Variants in STK26 observed in about 807,000 individuals in gnomAD.
STK26 encodes the protein serine/threonine-protein kinase 26.
Under a neutral mutation model 34.7 loss-of-function variants are expected in STK26, and 14 were observed. That is an observed-to-expected ratio of 0.40 (90% CI 0.27 to 0.63). STK26 has a LOEUF of 0.63. Ranked by LOEUF, STK26 falls within the 30% of genes least tolerant of loss-of-function variation. STK26 has a pLI of 0.38. For synonymous variants in STK26, 100 were observed against 109.8 expected (o/e 0.91, Z 0.56); for missense variants, 226 against 309.1 (o/e 0.73, Z 2.02).
At chrX:132,039,026 A>G (rs1926162846) in intron 2 of STK26, among the ~76,000 whole-genome samples, 1 of 111,179 alleles carries the variant, frequency 9.0e-6, no homozygotes, top group South Asian at 3.7e-4. Flanking sequence ...AAACAAACAA[A>G]CAAACAAAAA....
chrX:132,037,043 A>T (rs906770868), intron 2 of STK26, among the ~76,000 whole-genome samples: 3 of 112,059 alleles, frequency 2.7e-5, no homozygotes, highest in African/African-American at 9.7e-5. Flanking sequence ...ATTAAGAGAA[A>T]TCAATGTAAT....
chrX:132,028,747 TAGAGAG>T (rs750866736), intron 2 of STK26, among the ~76,000 whole-genome samples: 7 of 110,035 alleles, frequency 6.4e-5, no homozygotes, highest in African/African-American at 3.3e-5. Context: ...TGTGTCAAGT[TAGAGAG>T]AGAGTTAACT....
At chrX:132,034,292 CTTTTTTTTT>C (rs561602079) in intron 2 of STK26, among the ~76,000 whole-genome samples, 6 of 41,371 alleles carry the variant, frequency 1.5e-4, no homozygotes, top group South Asian at 3.2e-3. Flanking sequence ...GACATTTATT[CTTTTTTTTT>C]TTTTTTTTTT....
chrX:132,029,934 G>A (rs1477763595), intron 2 of STK26, among the ~76,000 whole-genome samples: 1 of 111,430 alleles, frequency 9.0e-6, no homozygotes, highest in Non-Finnish European at 1.9e-5. Flanking sequence ...TGAAGGTGGG[G>A]ACCATGTATT....
intron 6 of STK26, among the ~76,000 whole-genome samples, chrX:132,069,183 G>A (rs903428060): frequency 1.9e-5 from 2 of 107,213 alleles, no homozygotes; most frequent in African/African-American, 3.4e-5. Context: ...CCCCTTAAGA[G>A]CAGGGATTTT....
In STK26 at chrX:132,025,647, C is replaced by CTT. The variant is rs57313614; in HGVS notation, c.42+2005_42+2006dup. Reference sequence around the variant, plus strand: ...CAACGTTAGCAAAGAAGAGAGGAATCTTTTTTTTTTTTTTTTTTGGTCATT... The same window carrying CTT: ...CAACGTTAGCAAAGAAGAGAGGAATCTTTTTTTTTTTTTTTTTTTTGGTCATT... On this transcript the variant is annotated intron_variant, in intron 2 of 11. Transcript: ENST00000394334. 6.1e-3 allele frequency among the ~76,000 whole-genome samples: 495 copies of CTT among 81,672 alleles called. 4 individuals carry two copies. Among genetic ancestry groups the CTT allele is most frequent in the African/African-American group, 0.012 (254 of 22,011 alleles). 70.9% of individuals were successfully genotyped at this position (81,672 alleles called of 115,157 possible). A position where few individuals can be genotyped will look rare whatever the true frequency, so the allele number is the denominator to read the frequency against.
chrX:132,041,315 G>A (rs1401595034), intron 2 of STK26, among the ~76,000 whole-genome samples: 2 of 111,220 alleles, frequency 1.8e-5, no homozygotes, highest in Non-Finnish European at 3.8e-5. Context: ...GAGGAGAAAT[G>A]AAATTAGCCA....
chrX:132,028,657 A>G (rs995275926), intron 2 of STK26, among the ~76,000 whole-genome samples: 12 of 110,354 alleles, frequency 1.1e-4, no homozygotes, highest in Non-Finnish European at 2.1e-4. Context: ...GTAAGGTTGT[A>G]AGAAAAGTAA....
chrX:132,026,930 G>A (rs1371591843), intron 2 of STK26, among the ~76,000 whole-genome samples: 1 of 112,160 alleles, frequency 8.9e-6, no homozygotes, highest in Non-Finnish European at 1.9e-5. Context: ...TCTAAGTGGT[G>A]GGAAACACTG....
intron 2 of STK26, among the ~76,000 whole-genome samples, chrX:132,044,839 C>G (rs1211522277): frequency 1.2e-5 from 1 of 80,007 alleles, no homozygotes; most frequent in African/African-American, 4.7e-5. Flanking sequence ...AGAGAGAGAT[C>G]TATATATATA....
rs1178907146 is a variant in STK26 at position 132,069,473 on chromosome X, G to A, written c.598-5G>A. ...TATATTATTTTCTTTTTCCTTTTAC[G>A]TTAGGCTGACATTTGGTCATTGGGA... On this transcript the variant is annotated splice_polypyrimidine_tract_variant and splice_region_variant and intron_variant, in intron 6 of 11. Coordinates refer to ENST00000394334, the MANE Select transcript of STK26 (RefSeq NM_016542.4). 6.7e-6 allele frequency: 6 copies of A among 894,566 alleles called. No individual in the cohort carries two copies. The highest frequency in any genetic ancestry group is 4.2e-5 in the South Asian group (1 of 23,908). The allele number at this position is 894,566 out of a possible 1,213,427, so 73.7% of individuals were successfully genotyped here. A position where few individuals can be genotyped will look rare whatever the true frequency, so the allele number is the denominator to read the frequency against.
intron 3 of STK26, among the ~76,000 whole-genome samples, chrX:132,059,206 C>A (rs1052448851): frequency 1.8e-5 from 2 of 111,510 alleles, no homozygotes; most frequent in Non-Finnish European, 3.8e-5. Flanking sequence ...CTTATTGTGG[C>A]CCATTGTTCC....
At position 132,073,073 on chromosome X, in the gene STK26, A is replaced by G. The variant is rs780763660; in HGVS notation, c.1206A>G (p.Lys402=). The G allele has an allele frequency of 7.6e-6, 9 of 1,188,062 alleles. No homozygotes were observed. In the South Asian group the frequency reaches 1.7e-4, roughly 22 times the overall value. The change falls in exon 11 of 12, where the codon AAA becomes AAG. Residue 402 remains lysine, a synonymous_variant. Transcript: ENST00000394334. ...GCATCACAGATAAAATGGTGAAGAAACTAATTGAAAAATTTCAAAAGTAAG... is the reference window on the plus strand; with the variant it reads ...GCATCACAGATAAAATGGTGAAGAAGCTAATTGAAAAATTTCAAAAGTAAG... ...CPGITDKMVK[K]LIEKFQKCSA...
At chrX:132,034,376 G>A (rs1034765187) in intron 2 of STK26, among the ~76,000 whole-genome samples, 1 of 85,651 alleles carries the variant, frequency 1.2e-5, no homozygotes, top group African/African-American at 4.4e-5. Flanking sequence ...GCGCGATCTC[G>A]GCTCACTGCA....
chrX:132,029,886 A>G (rs1406549656), intron 2 of STK26, among the ~76,000 whole-genome samples: 2 of 111,482 alleles, frequency 1.8e-5, no homozygotes, highest in Non-Finnish European at 3.8e-5. Flanking sequence ...CTAATTATAT[A>G]TGTTATACTT....
intron 2 of STK26, among the ~76,000 whole-genome samples, chrX:132,036,864 G>T (rs903654890): frequency 4.5e-5 from 5 of 111,625 alleles, no homozygotes; most frequent in Middle Eastern, 4.7e-3. Flanking sequence ...TAAAAATAAG[G>T]CTTGACATTT....
intron 4 of STK26, among the ~76,000 whole-genome samples, chrX:132,063,716 C>T (rs1483503374): frequency 8.9e-6 from 1 of 111,919 alleles, no homozygotes; most frequent in Non-Finnish European, 1.9e-5. Flanking sequence ...ATGCAAATAG[C>T]TTAATAAAAT....
At chrX:132,030,420 C>G (rs1180367991) in intron 2 of STK26, among the ~76,000 whole-genome samples, 2 of 110,490 alleles carry the variant, frequency 1.8e-5, no homozygotes, top group African/African-American at 6.6e-5. Flanking sequence ...CTCCCACTCC[C>G]CAAAAAACAA....
chrX:132,048,359 G>T (rs988361903), intron 2 of STK26, among the ~76,000 whole-genome samples: 4 of 111,709 alleles, frequency 3.6e-5, no homozygotes, highest in African/African-American at 1.3e-4. Flanking sequence ...GGATAGTACA[G>T]AGTAGACATT....
Sources: gnomAD v4.1 joint callset for allele counts (sites outside exome capture counted in the v4.1 genomes callset) on GRCh38, gnomAD v4.1.1 for gene constraint, MANE v1.5 for transcripts, NCBI Gene and HGNC (gene_info 2026-07-23, HGNC 2026-07-21) for gene names.